DCDC2: variants seen among roughly 807,000 people sequenced by gnomAD.
DCDC2 encodes doublecortin domain containing 2.
In DCDC2, 40 loss-of-function variants were observed where a neutral mutation model predicts 50.2. The ratio of observed to expected loss-of-function variants is 0.80; its 90% CI spans 0.62 to 1.04. The LOEUF is 1.04. Among genes scored for constraint, DCDC2 ranks in the 50% least tolerant of loss-of-function variants. The pLI, the probability that DCDC2 is intolerant of heterozygous loss-of-function variation, is 0.00. For synonymous variants in DCDC2, 234 were observed against 210.6 expected, an observed-to-expected ratio of 1.11 and a Z score of -0.96; for missense variants, 570 against 581.9, an observed-to-expected ratio of 0.98 and a Z score of 0.21.
the DCDC2 span, among the ~76,000 whole-genome samples, chr6:24,381,924 G>A: frequency 7.6e-6 from 1 of 131,418 alleles, no homozygotes; most frequent in African/African-American, 2.8e-5. Flanking sequence ...AAGAGAGAAA[G>A]AGAAAGAAAG....
At chr6:24,329,511 G>A (rs976431023) in intron 2 of DCDC2, among the ~76,000 whole-genome samples, 2 of 152,100 alleles carry the variant, frequency 1.3e-5, no homozygotes, top group African/African-American at 2.4e-5. Context: ...CGGTAAGAAA[G>A]AATGGTAATA....
chr6:24,261,646 A>G (rs1165285924), intron 7 of DCDC2, among the ~76,000 whole-genome samples: 1 of 152,102 alleles, frequency 6.6e-6, no homozygotes, highest in Non-Finnish European at 1.5e-5. Context: ...AACTTTTTCA[A>G]TAATATCCTT....
intron 2 of DCDC2, among the ~76,000 whole-genome samples, chr6:24,303,828 A>G (rs925002018): frequency 6.6e-6 from 1 of 152,212 alleles, no homozygotes; most frequent in Non-Finnish European, 1.5e-5. Context: ...AAAATCACAC[A>G]TAATAAGTGG....
chr6:24,261,585 A>C (rs554258516), intron 7 of DCDC2, among the ~76,000 whole-genome samples: 1 of 152,256 alleles, frequency 6.6e-6, no homozygotes, highest in South Asian at 2.1e-4. Context: ...GGTGTGTTTC[A>C]TGGGCTCTGA....
upstream of DCDC2, among the ~76,000 whole-genome samples, chr6:24,359,521 TTTTA>T (rs1760620103): frequency 9.5e-6 from 1 of 105,738 alleles, no homozygotes; most frequent in Non-Finnish European, 1.8e-5. Flanking sequence ...ATTATATATA[TTTTA>T]TATATATTTT....
chr6:24,337,210 A>G (rs1242194885), intron 2 of DCDC2, among the ~76,000 whole-genome samples: 1 of 152,198 alleles, frequency 6.6e-6, no homozygotes, highest in Non-Finnish European at 1.5e-5. Context: ...AAAGTACAAT[A>G]AAAATAAATA....
chr6:24,210,720 T>C (rs191308043), intron 7 of DCDC2, among the ~76,000 whole-genome samples: 4 of 152,348 alleles, frequency 2.6e-5, no homozygotes, highest in East Asian at 1.9e-4. Context: ...GTGCTCTTAA[T>C]AGATCATTTA....
intron 7 of DCDC2, 104 bp from the exon 8 acceptor site, chr6:24,205,206 T>A: frequency 6.2e-7 from 1 of 1,613,236 alleles, no homozygotes; most frequent in Non-Finnish European, 8.5e-7. Flanking sequence ...ACATTTGGAT[T>A]CCCTTTTTAG....
At chr6:24,185,579 G>T (rs1278805367) in intron 8 of DCDC2, among the ~76,000 whole-genome samples, 1 of 151,994 alleles carries the variant, frequency 6.6e-6, no homozygotes, top group Admixed American at 6.6e-5. Context: ...GTGCTTTTTG[G>T]TGTAATCTCC....
At chr6:24,271,257 G>GA (rs894383668) in intron 7 of DCDC2, among the ~76,000 whole-genome samples, 1 of 107,542 alleles carries the variant, frequency 9.3e-6, no homozygotes, top group Admixed American at 9.2e-5. Context: ...AGAAAAAAAA[G>GA]AAAAAAAGAG....
chr6:24,303,841 G>A (rs1192908396), intron 2 of DCDC2, among the ~76,000 whole-genome samples: 2 of 152,160 alleles, frequency 1.3e-5, no homozygotes, highest in Non-Finnish European at 2.9e-5. Context: ...ATAAGTGGTA[G>A]AGTTTTAGTG....
intron 7 of DCDC2, among the ~76,000 whole-genome samples, chr6:24,275,230 G>C (rs1365924727): frequency 6.6e-6 from 1 of 152,132 alleles, no homozygotes. Context: ...TATGAAGGCT[G>C]AATTAAAGAG....
At chr6:24,334,868 G>C (rs1337612553) in intron 2 of DCDC2, among the ~76,000 whole-genome samples, 1 of 152,280 alleles carries the variant, frequency 6.6e-6, no homozygotes, top group South Asian at 2.1e-4. Flanking sequence ...TTTCAGTGAT[G>C]TATCAGGATC....
rs188381459 is a variant in DCDC2, at chr6:24,226,766, G to A, written c.923-21664C>T. ...TTGGAAATAGACCGAACAGTATCCTGTGGGAGGTAGCAAGGAAGAAACACA... is the reference window on the plus strand; with the variant it reads ...TTGGAAATAGACCGAACAGTATCCTATGGGAGGTAGCAAGGAAGAAACACA... On this transcript the variant is annotated intron_variant, in intron 7 of 9. Transcript: ENST00000378454. Among the ~76,000 whole-genome samples the A allele has an allele frequency of 8.7e-4, 132 of 152,332 alleles. No homozygotes were observed. In the East Asian group the frequency reaches 0.017, roughly 20 times the overall value.
chr6:24,260,757 T>C (rs768041469), intron 7 of DCDC2, among the ~76,000 whole-genome samples: 19 of 152,224 alleles, frequency 1.2e-4, no homozygotes, highest in Non-Finnish European at 1.8e-4. Context: ...ATTGAAAATA[T>C]AATAAATCTC....
intron 2 of DCDC2, chr6:24,353,366 A>T (rs1476922612): frequency 3.1e-6 from 2 of 645,776 alleles, no homozygotes; most frequent in Admixed American, 4.4e-5. Flanking sequence ...CATATCCTGC[A>T]CATCTTAGAA....
At chr6:24,322,613 G>A (rs948868713) in intron 2 of DCDC2, among the ~76,000 whole-genome samples, 3 of 151,064 alleles carry the variant, frequency 2.0e-5, no homozygotes, top group Admixed American at 6.6e-5. Context: ...AGCTTCCTCT[G>A]CACAATAAAA....
intron 9 of DCDC2, 84 bp from the exon 10 acceptor site, chr6:24,174,918 G>T: frequency 1.4e-6 from 1 of 728,346 alleles, no homozygotes; most frequent in Non-Finnish European, 2.1e-6. Flanking sequence ...AATTACTCAA[G>T]ATTCTATTTA....
intron 6 of DCDC2, among the ~76,000 whole-genome samples, chr6:24,280,730 G>A (rs1053854049): frequency 1.3e-5 from 2 of 151,940 alleles, no homozygotes; most frequent in Non-Finnish European, 2.9e-5. Flanking sequence ...AGTAGAGACA[G>A]GGTTTCACCA....
Sources: allele counts gnomAD v4.1 joint callset (sites outside exome capture counted in the v4.1 genomes callset), GRCh38; gene constraint gnomAD v4.1.1; transcripts MANE v1.5; gene names NCBI Gene and HGNC (gene_info 2026-07-23, HGNC 2026-07-21).